The following SMOC2 variants were observed in gnomAD, a reference collection of about 807,000 sequenced individuals.
SMOC2 encodes the protein SPARC-related modular calcium-binding protein 2.
SMOC2 carries 39 observed loss-of-function variants against 61.4 expected under a neutral mutation model. The ratio of observed to expected loss-of-function variants is 0.64; its 90% CI spans 0.49 to 0.83. The LOEUF (loss-of-function observed/expected upper bound fraction) is 0.83, where lower values mean the gene tolerates loss of function less well. Ranked by LOEUF, SMOC2 falls within the 40% of genes least tolerant of loss-of-function variation. The pLI is 0.00. For missense variants in SMOC2, 556 were observed against 592.9 expected, an observed-to-expected ratio of 0.94 and a Z score of 0.65; for synonymous variants, 247 against 239.9, an observed-to-expected ratio of 1.03 and a Z score of -0.27.
intron 1 of SMOC2, among the ~76,000 whole-genome samples, chr6:168,509,163 C>G (rs9456149): frequency 0.13 from 19,877 of 152,114 alleles, 2,487 homozygotes; most frequent in African/African-American, 0.33. Context: ...GCTCCGAAGT[C>G]TGTGTCAAGC....
At chr6:168,495,574 A>G (rs894175124) in intron 1 of SMOC2, among the ~76,000 whole-genome samples, 1 of 152,132 alleles carries the variant, frequency 6.6e-6, no homozygotes, top group Non-Finnish European at 1.5e-5. Flanking sequence ...GAAGTTCGCA[A>G]TGCCCGGGAA....
At chr6:168,625,344 C>T (rs1452550691) in intron 9 of SMOC2, among the ~76,000 whole-genome samples, 7 of 152,214 alleles carry the variant, frequency 4.6e-5, no homozygotes, top group Non-Finnish European at 8.8e-5. Context: ...CAGACAGCAG[C>T]TTCGATGTGG....
At chr6:168,552,584 A>C (rs1583103380) in intron 7 of SMOC2, among the ~76,000 whole-genome samples, 1 of 152,350 alleles carries the variant, frequency 6.6e-6, no homozygotes, top group African/African-American at 2.4e-5. Context: ...CATGCATCCA[A>C]ATGCCCATGT....
intron 4 of SMOC2, among the ~76,000 whole-genome samples, chr6:168,532,426 C>A (rs1475809544): frequency 6.6e-6 from 1 of 152,066 alleles, no homozygotes; most frequent in Non-Finnish European, 1.5e-5. Context: ...TCTTCCTCAC[C>A]ACCCTCCCCC....
intron 9 of SMOC2, among the ~76,000 whole-genome samples, chr6:168,612,149 T>C (rs377487662): frequency 3.9e-5 from 6 of 152,352 alleles, no homozygotes; most frequent in East Asian, 3.9e-4. Flanking sequence ...TGAATGGGCT[T>C]TCCAGTGTGG....
chr6:168,493,526 C>T lies in SMOC2; in HGVS notation c.85-16389C>T, dbSNP rs143345376. On this transcript the variant is annotated intron_variant, in intron 1 of 12. Coordinates refer to ENST00000356284, the MANE Select transcript of SMOC2 (RefSeq NM_001166412.2). ...AAAGTAAGTGACAAGTTTCCAGAAG[C>T]GAAGGAAAACTGTTACTGTTCAGAA... Among the ~76,000 whole-genome samples, 29 of 152,192 alleles carry T rather than the reference C, an allele frequency of 1.9e-4. No individual in the cohort carries two copies. In the East Asian group the frequency reaches 4.4e-3, roughly 23 times the overall value.
intron 11 of SMOC2, among the ~76,000 whole-genome samples, chr6:168,653,429 G>A (rs910093239): frequency 6.6e-6 from 1 of 152,248 alleles, no homozygotes; most frequent in African/African-American, 2.4e-5. Context: ...GCCCAGGAGA[G>A]CCCAGGCTCA....
In SMOC2 at chr6:168,519,292, ATTCT is replaced by A. The variant is rs973966131; in HGVS notation, c.257-7049_257-7046del. Among the ~76,000 whole-genome samples the A allele has an allele frequency of 2.5e-4, 38 of 152,032 alleles. 1 individual carries two copies. The highest frequency in any genetic ancestry group is 1.0e-4 in the Non-Finnish European group (7 of 68,012). The stretch of plus-strand genomic sequence containing the variant: ...GTGTGAGTGAGCATTAGTGTCCGTG[ATTCT>A]TTCTGTGCCCTGGGCTCCTGGGCCA... On this transcript the variant is annotated intron_variant, in intron 2 of 12. Coordinates refer to ENST00000356284, the MANE Select transcript of SMOC2 (RefSeq NM_001166412.2).
chr6:168,618,441 C>G (rs951880028), intron 9 of SMOC2, among the ~76,000 whole-genome samples: 1 of 126,918 alleles, frequency 7.9e-6, no homozygotes, highest in Non-Finnish European at 1.6e-5. Flanking sequence ...GGAGGAGAGG[C>G]GGGTAGTGGC....
Position 168,666,404 on chromosome 6 carries a change from T to C in SMOC2, c.1324-17T>C, listed in dbSNP as rs1787662549. ...ACCTCTGAATATAATGTCTCTTTTT[T>C]GTTTTTTCCTTTTCAGCCAAGGAAA... is the stretch of plus-strand genomic sequence containing the variant. On this transcript the variant is annotated splice_polypyrimidine_tract_variant and intron_variant, in intron 12 of 12. Coordinates refer to ENST00000356284, the MANE Select transcript of SMOC2 (RefSeq NM_001166412.2). 2 of 1,613,842 alleles carry C rather than the reference T, an allele frequency of 1.2e-6. No homozygotes were observed. Among genetic ancestry groups the C allele is most frequent in the Non-Finnish European group, 1.7e-6 (2 of 1,180,026 alleles).
intron 1 of SMOC2, among the ~76,000 whole-genome samples, chr6:168,465,076 C>G (rs980059503): frequency 6.6e-6 from 1 of 152,228 alleles, no homozygotes; most frequent in South Asian, 2.1e-4. Flanking sequence ...CAGAGTTGGC[C>G]CCTGCCCCAT....
At chr6:168,512,763 T>A (rs1009447940) in intron 2 of SMOC2, among the ~76,000 whole-genome samples, 6 of 152,174 alleles carry the variant, frequency 3.9e-5, no homozygotes, top group Non-Finnish European at 5.9e-5. Context: ...TCTGGGGGAC[T>A]CTGGAAAACC....
At position 168,598,878 on chromosome 6, in the gene SMOC2, A is replaced by G. The variant is rs1785399442; in HGVS notation, c.698A>G (p.Asp233Gly). The part of the protein sequence containing the change: ...ALEEAKQPKN[D>G]NVVIPECAHG... ...GAGGAAGCCAAGCAGCCCAAGAACG[A>G]CAATGTGGTGATCCCTGAGTGTGCG... Residue 233 changes from aspartate to glycine, a missense_variant, in exon 8 of 13, where the codon GAC (aspartate) becomes GGC (glycine). Transcript: ENST00000356284. 1 of 1,613,836 alleles carries G rather than the reference A, an allele frequency of 6.2e-7. No homozygotes were observed. The highest frequency in any genetic ancestry group is 8.5e-7 in the Non-Finnish European group (1 of 1,179,836).
intron 1 of SMOC2, among the ~76,000 whole-genome samples, chr6:168,471,282 T>C (rs1308576707): frequency 6.6e-6 from 1 of 152,214 alleles, no homozygotes; most frequent in Non-Finnish European, 1.5e-5. Context: ...GAGAATTCTA[T>C]CAATCTGTCT....
At chr6:168,643,126 A>G (rs562284938) in intron 9 of SMOC2, among the ~76,000 whole-genome samples, 1 of 152,232 alleles carries the variant, frequency 6.6e-6, no homozygotes, top group Admixed American at 6.5e-5. Context: ...CAGGCTCTCC[A>G]GGGTCCCCGT....
At chr6:168,648,640 C>T (rs950382639) in intron 9 of SMOC2, among the ~76,000 whole-genome samples, 7 of 152,198 alleles carry the variant, frequency 4.6e-5, no homozygotes, top group Non-Finnish European at 7.3e-5. Context: ...GCCCCGTGGC[C>T]GTGATGCTTT....
intron 1 of SMOC2, among the ~76,000 whole-genome samples, chr6:168,449,317 A>G (rs1431436459): frequency 6.6e-6 from 1 of 152,226 alleles, no homozygotes; most frequent in Non-Finnish European, 1.5e-5. Flanking sequence ...CGGTCACTGT[A>G]ATATTCTTCC....
chr6:168,605,581 A>G (rs565369200), intron 8 of SMOC2, among the ~76,000 whole-genome samples: 1 of 152,306 alleles, frequency 6.6e-6, no homozygotes, highest in South Asian at 2.1e-4. Flanking sequence ...ATATATTTTT[A>G]TATTAGCATC....
intron 7 of SMOC2, among the ~76,000 whole-genome samples, chr6:168,552,926 C>T (rs571346084): frequency 2.7e-5 from 4 of 150,316 alleles, no homozygotes; most frequent in South Asian, 2.1e-4. Flanking sequence ...AGGTGAGTGA[C>T]GGCACTTGAA....
Sources: gnomAD v4.1 joint callset for allele counts (sites outside exome capture counted in the v4.1 genomes callset) on GRCh38, gnomAD v4.1.1 for gene constraint, MANE v1.5 for transcripts, NCBI Gene and HGNC (gene_info 2026-07-23, HGNC 2026-07-21) for gene names.